Variants in NEDD4 observed in about 807,000 individuals in gnomAD.
NEDD4 encodes the protein NEDD4 E3 ubiquitin protein ligase.
A neutral mutation model predicts 144.9 loss-of-function variants in NEDD4; 99 were observed. The ratio of observed to expected loss-of-function variants is 0.68; its 90% confidence interval spans 0.58 to 0.81. The LOEUF is 0.81. Ranked by LOEUF, NEDD4 falls within the 30% of genes least tolerant of loss-of-function variation. The pLI is 0.00. For missense variants in NEDD4, 985 were observed against 1,065.9 expected (o/e 0.92, Z 1.06); for synonymous variants, 318 against 350.6 (o/e 0.91, Z 1.04).
intron 12 of NEDD4, among the ~76,000 whole-genome samples, chr15:55,854,263 C>A (rs1360665500): frequency 6.6e-6 from 1 of 152,136 alleles, no homozygotes; most frequent in Admixed American, 6.6e-5. Flanking sequence ...AAAACCATCA[C>A]CACCAGTCTC....
At chr15:55,882,395 T>C (rs1421192175) in intron 5 of NEDD4, among the ~76,000 whole-genome samples, 1 of 152,110 alleles carries the variant, frequency 6.6e-6, no homozygotes, top group Non-Finnish European at 1.5e-5. Flanking sequence ...GGACTTTGCA[T>C]TGGAACTCAG....
At chr15:55,874,308 CA>C (rs1268716602) in intron 5 of NEDD4, among the ~76,000 whole-genome samples, 1 of 152,098 alleles carries the variant, frequency 6.6e-6, no homozygotes, top group East Asian at 1.9e-4. Context: ...GTCAATCCTT[CA>C]AAGAAGGAAC....
chr15:55,945,031 T>C (rs2037083078), intron 4 of NEDD4, among the ~76,000 whole-genome samples: 1 of 151,800 alleles, frequency 6.6e-6, no homozygotes, highest in South Asian at 2.1e-4. Flanking sequence ...AGATGAAAGG[T>C]AGATAAAACC....
chr15:55,874,028 A>C lies in NEDD4; in HGVS notation c.292-20T>G, dbSNP rs2034902799. On this transcript the variant is annotated intron_variant, in intron 5 of 28. Transcript: ENST00000435532. ...TCTTGTCTATAAGAGAAGGAAGAAA[A>C]AATATAATTAGTAATACGCTCAATT... 3 of 1,398,910 alleles carry C rather than the reference A, an allele frequency of 2.1e-6. No individual in the cohort carries two copies. In the African/African-American group the frequency reaches 4.3e-5, roughly 20 times the overall value. 86.7% of individuals were successfully genotyped at this position (1,398,910 alleles called of 1,614,324 possible). A position where few individuals can be genotyped will look rare whatever the true frequency, so the allele number is the denominator to read the frequency against.
rs760099564 is a variant in NEDD4 at position 55,834,035 on chromosome 15, T to A, written c.2430+3A>T. ...AGTTATGAAAATAGAAGTTTCAAAT[T>A]ACCTTCCAAAACCACTGTATAACCT... On this transcript the variant is annotated splice_donor_region_variant and intron_variant, in intron 26 of 28. Coordinates refer to ENST00000435532, the MANE Select transcript of NEDD4 (RefSeq NM_006154.4). 27 of 1,599,026 alleles carry A rather than the reference T, an allele frequency of 1.7e-5. No homozygotes were observed. The highest frequency in any genetic ancestry group is 2.0e-5 in the Non-Finnish European group (24 of 1,172,346).
At chr15:55,958,275 G>A (rs1298572938) in intron 2 of NEDD4, among the ~76,000 whole-genome samples, 1 of 152,186 alleles carries the variant, frequency 6.6e-6, no homozygotes, top group Non-Finnish European at 1.5e-5. Flanking sequence ...TCCATGCCAA[G>A]TGAAATGACC....
At position 55,932,142 on chromosome 15, in the gene NEDD4, A is replaced by T. The variant is rs143172046; in HGVS notation, c.238-7443T>A. 9.2e-3 allele frequency among the ~76,000 whole-genome samples: 1,397 copies of T among 152,262 alleles called. 10 individuals are homozygous for T. The highest frequency in any genetic ancestry group is 0.03 in the African/African-American group (1,228 of 41,554). On this transcript the variant is annotated intron_variant, in intron 4 of 28. Coordinates refer to ENST00000435532, the MANE Select transcript of NEDD4 (RefSeq NM_006154.4). The stretch of plus-strand genomic sequence containing the variant: ...AGGTAATTGAATCATGGGGGCGGTT[A>T]CCTGCATGCTGTTTTCGTGATAGTG...
intron 2 of NEDD4, among the ~76,000 whole-genome samples, chr15:55,965,461 C>T (rs1320507585): frequency 6.6e-6 from 1 of 152,150 alleles, no homozygotes; most frequent in Non-Finnish European, 1.5e-5. Flanking sequence ...CTCAGTCTCC[C>T]AAACCCCGTT....
At chr15:55,860,962 T>C (rs2034382018) in intron 9 of NEDD4, among the ~76,000 whole-genome samples, 184 bp from the exon 10 acceptor site, 1 of 152,202 alleles carries the variant, frequency 6.6e-6, no homozygotes, top group Non-Finnish European at 1.5e-5. Flanking sequence ...ATATTTAGAG[T>C]ACCTTACGGA....
chr15:55,871,959 A>C (rs2034814382), intron 7 of NEDD4, among the ~76,000 whole-genome samples: 1 of 152,166 alleles, frequency 6.6e-6, no homozygotes. Context: ...TAAGCATGCT[A>C]TTTGGGTTTT....
At chr15:55,988,266 T>C (rs1241319539) in intron 1 of NEDD4, among the ~76,000 whole-genome samples, 22 of 120,532 alleles carry the variant, frequency 1.8e-4, no homozygotes, top group South Asian at 6.3e-4. Context: ...TAGGTGGGAA[T>C]TGAACAATGA....
In NEDD4 at chr15:55,870,547, G is replaced by A. The variant is rs200519542; in HGVS notation, c.405-866C>T. On this transcript the variant is annotated intron_variant, in intron 7 of 28. Transcript: ENST00000435532. ...TCTTCTTCTTTTTTTTTTTTTTTTT[G>A]TTTTGAGACAGCATCTCCCTCTGTC... 8.1e-5 allele frequency among the ~76,000 whole-genome samples: 3 copies of A among 36,998 alleles called. 1 individual carries two copies. Among genetic ancestry groups the A allele is most frequent in the Non-Finnish European group, 2.2e-4 (3 of 13,872 alleles). 24.3% of individuals were successfully genotyped at this position (36,998 alleles called of 152,430 possible). A position where few individuals can be genotyped will look rare whatever the true frequency, so the allele number is the denominator to read the frequency against.
rs567676562 is a variant in NEDD4, at chr15:55,894,107, T to C, written c.292-20099A>G. On this transcript the variant is annotated intron_variant, in intron 5 of 28. Coordinates refer to ENST00000435532, the MANE Select transcript of NEDD4 (RefSeq NM_006154.4). ...GGATATCTTTGCATAAAGCAAGCAT[T>C]CCATGTCTTAAGTTTGTGATTTGCT... is the stretch of plus-strand genomic sequence containing the variant. Among the ~76,000 whole-genome samples the C allele has an allele frequency of 6.6e-3, 998 of 152,220 alleles. 4 individuals are homozygous for C. The highest frequency in any genetic ancestry group is 9.7e-3 in the Non-Finnish European group (659 of 68,004).
chr15:55,981,349 G>A (rs2037800709), intron 1 of NEDD4, among the ~76,000 whole-genome samples: 1 of 148,454 alleles, frequency 6.7e-6, no homozygotes, highest in African/African-American at 2.5e-5. Context: ...ACAGGTGTGA[G>A]CCACCACGCC....
At chr15:55,959,518 C>T (rs1197516325) in intron 2 of NEDD4, among the ~76,000 whole-genome samples, 1 of 152,186 alleles carries the variant, frequency 6.6e-6, no homozygotes, top group Non-Finnish European at 1.5e-5. Context: ...TAGGGCAGCT[C>T]CTATTATCCC....
chr15:55,944,167 C>A (rs1251817038), intron 4 of NEDD4, among the ~76,000 whole-genome samples: 2 of 152,188 alleles, frequency 1.3e-5, no homozygotes, highest in East Asian at 3.8e-4. Context: ...AGAGGGCAAG[C>A]CGAAGCAGGA....
intron 5 of NEDD4, among the ~76,000 whole-genome samples, chr15:55,878,527 T>C (rs2035071552): frequency 6.6e-6 from 1 of 152,082 alleles, no homozygotes; most frequent in Admixed American, 6.5e-5. Context: ...AAACAAATAT[T>C]GGTCAGGGTG....
chr15:55,829,841 A>G lies in NEDD4; in HGVS notation c.*56T>C, dbSNP rs2032859062. The G allele has an allele frequency of 7.2e-7, 1 of 1,397,374 alleles. No homozygotes were observed. Among genetic ancestry groups the G allele is most frequent in the South Asian group, 1.3e-5 (1 of 77,218 alleles). 86.6% of individuals were successfully genotyped at this position (1,397,374 alleles called of 1,614,324 possible). On this transcript the variant is annotated 3_prime_UTR_variant, in exon 29 of 29. Coordinates refer to ENST00000435532, the MANE Select transcript of NEDD4 (RefSeq NM_006154.4). Reference sequence around the variant, plus strand: ...GTAGTTCCCCGGAAAATTTTAAGTCAAGATTTTGGTTATAAAACTATGGCA... The same window carrying G: ...GTAGTTCCCCGGAAAATTTTAAGTCGAGATTTTGGTTATAAAACTATGGCA...
At chr15:55,977,919 C>A (rs1310109550) in intron 1 of NEDD4, among the ~76,000 whole-genome samples, 1 of 152,108 alleles carries the variant, frequency 6.6e-6, no homozygotes, top group Admixed American at 6.5e-5. Context: ...AATTAAAAAT[C>A]TCTTCTGTGA....
Sources: allele counts gnomAD v4.1 joint callset (sites outside exome capture counted in the v4.1 genomes callset), GRCh38; gene constraint gnomAD v4.1.1; transcripts MANE v1.5; gene names NCBI Gene and HGNC (gene_info 2026-07-23, HGNC 2026-07-21).